The following SPINK4 variants were observed in gnomAD, a reference collection of about 807,000 sequenced individuals.
The protein encoded by SPINK4 is serine peptidase inhibitor Kazal type 4, also known as serine protease inhibitor Kazal-type 4.
SPINK4 carries 10 observed loss-of-function variants against 12.3 expected under a neutral mutation model. The ratio of observed to expected loss-of-function variants is 0.81; its 90% CI spans 0.50 to 1.37. The LOEUF (loss-of-function observed/expected upper bound fraction) is 1.37. SPINK4 is among the 40% of genes most tolerant of loss of function. SPINK4 has a pLI of 0.00. For synonymous variants in SPINK4, 37 were observed against 40.2 expected (o/e 0.92, Z 0.30); for missense variants, 91 against 109.0 (o/e 0.84, Z 0.73).
At chr9:33,240,737 G>A (rs1296014571) in intron 1 of SPINK4, among the ~76,000 whole-genome samples, 2 of 152,218 alleles carry the variant, frequency 1.3e-5, no homozygotes, top group African/African-American at 2.4e-5. Context: ...ATGTGAGCAC[G>A]ACAGAGCCCT....
chr9:33,246,841 G>A (rs1587781239), intron 3 of SPINK4, 113 bp downstream of exon 3: 6 of 852,062 alleles, frequency 7.0e-6, no homozygotes, highest in African/African-American at 1.7e-5. Context: ...GACCTGAGAA[G>A]AGTCCTCCAA....
At chr9:33,246,384 G>T (rs1820285207) in intron 2 of SPINK4, among the ~76,000 whole-genome samples, 1 of 152,096 alleles carries the variant, frequency 6.6e-6, no homozygotes, top group African/African-American at 2.4e-5. Context: ...AGAGACACAG[G>T]TACACATATG....
intron 3 of SPINK4, 88 bp downstream of exon 3, chr9:33,246,816 C>G (rs553010872): frequency 9.0e-7 from 1 of 1,108,804 alleles, no homozygotes; most frequent in East Asian, 2.4e-5. Context: ...CCTGCTTCTT[C>G]CTTCATACAC....
intron 1 of SPINK4, among the ~76,000 whole-genome samples, chr9:33,243,169 G>A (rs1820255754): frequency 6.6e-6 from 1 of 152,032 alleles, no homozygotes; most frequent in African/African-American, 2.4e-5. Context: ...TGCCTACTGG[G>A]TTCAAGTGAT....
intron 1 of SPINK4, among the ~76,000 whole-genome samples, chr9:33,244,372 C>T (rs1820266540): frequency 6.6e-6 from 1 of 152,118 alleles, no homozygotes; most frequent in Admixed American, 6.5e-5. Context: ...GACCTATGCC[C>T]CAGGAAACAG....
At position 33,246,610 on chromosome 9, in the gene SPINK4, C is replaced by T. The variant is rs769070006; in HGVS notation, c.103-6C>T. ...CTGAGTCCTCTCCCTCCCTTCTCTT[C>T]CACAGCCCATCTGTGAACACATGGT... On this transcript the variant is annotated splice_polypyrimidine_tract_variant and splice_region_variant and intron_variant, in intron 2 of 3. Coordinates refer to ENST00000379721, the MANE Select transcript of SPINK4 (RefSeq NM_014471.3). 5 of 1,611,966 alleles carry T rather than the reference C, an allele frequency of 3.1e-6. No individual in the cohort carries two copies. The highest frequency in any genetic ancestry group is 3.3e-5 in the Admixed American group (2 of 59,980).
At chr9:33,240,503 C>T (rs1301990395) in intron 1 of SPINK4, among the ~76,000 whole-genome samples, 3 of 152,220 alleles carry the variant, frequency 2.0e-5, no homozygotes, top group Admixed American at 6.5e-5. Flanking sequence ...CTTGGGGCCT[C>T]AGTTTCTCCA....
chr9:33,240,478 A>G (rs1209184111), intron 1 of SPINK4, among the ~76,000 whole-genome samples: 2 of 152,238 alleles, frequency 1.3e-5, no homozygotes, highest in Admixed American at 1.3e-4. Context: ...CAGAATTACC[A>G]AAGTCCCCTA....
At position 33,248,547 on chromosome 9, in the gene SPINK4, T is replaced by C; in HGVS notation, c.*76T>C. 1.3e-6 allele frequency: 2 copies of C among 1,564,906 alleles called. No homozygotes were observed. Among genetic ancestry groups the C allele is most frequent in the Non-Finnish European group, 1.8e-6 (2 of 1,142,192 alleles). On this transcript the variant is annotated 3_prime_UTR_variant, in exon 4 of 4. Transcript: ENST00000379721. ...GGCATGGAGAGGATATGACATGAAA[T>C]AAAAGATCCAGCCCAACTGAGTGAA...
chr9:33,241,956 T>C (rs1405807002), intron 1 of SPINK4, among the ~76,000 whole-genome samples: 1 of 152,192 alleles, frequency 6.6e-6, no homozygotes, highest in Non-Finnish European at 1.5e-5. Context: ...CTTGGCTCAC[T>C]GCAACCTCTG....
intron 1 of SPINK4, among the ~76,000 whole-genome samples, chr9:33,242,068 C>T (rs1466495633): frequency 2.6e-5 from 4 of 152,056 alleles, no homozygotes; most frequent in South Asian, 2.1e-4. Context: ...TTAGTAGAGA[C>T]GGAGTTTCAC....
intron 1 of SPINK4, among the ~76,000 whole-genome samples, chr9:33,243,272 C>T (rs889811363): frequency 1.3e-5 from 2 of 152,022 alleles, no homozygotes; most frequent in Non-Finnish European, 2.9e-5. Context: ...GGGGTTTCAC[C>T]ATGTTGGTCA....
intron 2 of SPINK4, 33 bp downstream of exon 2, chr9:33,245,185 T>G (rs777300799): frequency 6.2e-7 from 1 of 1,608,612 alleles, no homozygotes; most frequent in Admixed American, 1.7e-5. Context: ...TCACCTTCTC[T>G]CTGCTGAGAG....
chr9:33,240,173 C>T lies in SPINK4; in HGVS notation c.-36C>T, dbSNP rs377415254. 9.4e-5 allele frequency: 147 copies of T among 1,570,452 alleles called. No individual in the cohort carries two copies. Among genetic ancestry groups the T allele is most frequent in the Admixed American group, 1.5e-4 (8 of 53,608 alleles). ...CCCCCATCCTTCCTCAGGCGCAGGC[C>T]CCAGCCAGCTCAGGCTACACTATCC... is the stretch of plus-strand genomic sequence containing the variant. On this transcript the variant is annotated 5_prime_UTR_variant, in exon 1 of 4. Coordinates refer to ENST00000379721, the MANE Select transcript of SPINK4 (RefSeq NM_014471.3).
intron 3 of SPINK4, chr9:33,248,095 T>C (rs1820303805): frequency 3.3e-6 from 1 of 298,570 alleles, no homozygotes; most frequent in Non-Finnish European, 6.3e-6. Context: ...GTGATGTTTG[T>C]GGACAGTTGA....
At chr9:33,243,230 C>T (rs1169322506) in intron 1 of SPINK4, among the ~76,000 whole-genome samples, 1 of 151,954 alleles carries the variant, frequency 6.6e-6, no homozygotes, top group African/African-American at 2.4e-5. Context: ...TGCACCACCA[C>T]GCCCAGCAAA....
chr9:33,246,531 G>T (rs1049410455), intron 2 of SPINK4, 85 bp from the exon 3 acceptor site: 46 of 1,200,416 alleles, frequency 3.8e-5, no homozygotes, highest in Non-Finnish European at 5.0e-5. Flanking sequence ...CCTCACTGGG[G>T]CCCCACTGGT....
At chr9:33,242,827 A>G (rs1166381933) in intron 1 of SPINK4, among the ~76,000 whole-genome samples, 1 of 151,780 alleles carries the variant, frequency 6.6e-6, no homozygotes, top group Non-Finnish European at 1.5e-5. Flanking sequence ...ATAGCCCCAG[A>G]AATTCCCCTA....
At chr9:33,243,057 T>A (rs141189870) in intron 1 of SPINK4, among the ~76,000 whole-genome samples, 24 of 152,014 alleles carry the variant, frequency 1.6e-4, no homozygotes, top group East Asian at 1.4e-3. Context: ...AAAATTTTTT[T>A]AAATTTATTT....
Sources: allele counts gnomAD v4.1 joint callset (sites outside exome capture counted in the v4.1 genomes callset), GRCh38; gene constraint gnomAD v4.1.1; transcripts MANE v1.5; gene names NCBI Gene and HGNC (gene_info 2026-07-23, HGNC 2026-07-21).